The following FAM171A1 variants were observed in gnomAD, a reference collection of about 807,000 sequenced individuals.
The protein encoded by FAM171A1 is family with sequence similarity 171 member A1, also known as protein FAM171A1.
In FAM171A1, 23 loss-of-function variants were observed where a neutral mutation model predicts 74.9. The observed-to-expected ratio is 0.31, with a 90% confidence interval of 0.22 to 0.44. The LOEUF is 0.44. FAM171A1 is among the 20% of genes least tolerant of loss of function. The probability of loss-of-function intolerance (pLI) is 1.00; values close to 1 mark genes in which losing one functional copy is unlikely to be tolerated. For synonymous variants in FAM171A1, 527 were observed against 505.7 expected, an observed-to-expected ratio of 1.04 and a Z score of -0.57; for missense variants, 1,162 against 1,159.2, an observed-to-expected ratio of 1.00 and a Z score of -0.03.
intron 1 of FAM171A1, among the ~76,000 whole-genome samples, chr10:15,352,789 T>G (rs934406190): frequency 8.5e-5 from 13 of 152,254 alleles, no homozygotes; most frequent in African/African-American, 3.1e-4. Context: ...TGGTTCGCTC[T>G]GCCAAGAGGT....
chr10:15,298,713 T>G (rs1017924556), intron 1 of FAM171A1, among the ~76,000 whole-genome samples: 2 of 152,152 alleles, frequency 1.3e-5, no homozygotes, highest in Non-Finnish European at 2.9e-5. Flanking sequence ...ATATCTTCAC[T>G]TTTCTCAGAT....
chr10:15,331,859 G>GTGTATACATA (rs60559617), intron 1 of FAM171A1, among the ~76,000 whole-genome samples: 2,163 of 43,818 alleles, frequency 0.049, 124 homozygotes, highest in Non-Finnish European at 0.06. Context: ...ATATATGTGT[G>GTGTATACATA]TATATATATG....
At chr10:15,215,181 A>T (rs1833952119) in intron 7 of FAM171A1, among the ~76,000 whole-genome samples, 1 of 152,242 alleles carries the variant, frequency 6.6e-6, no homozygotes, top group Non-Finnish European at 1.5e-5. Flanking sequence ...TCAACAACTT[A>T]TTAAAGAGTC....
chr10:15,266,474 G>A (rs972245597), intron 3 of FAM171A1, among the ~76,000 whole-genome samples: 4 of 152,088 alleles, frequency 2.6e-5, no homozygotes, highest in African/African-American at 4.8e-5. Context: ...TTCCTGTCCA[G>A]GAAGGGTTTC....
intron 3 of FAM171A1, among the ~76,000 whole-genome samples, chr10:15,265,951 A>G (rs1834734721): frequency 6.6e-6 from 1 of 152,128 alleles, no homozygotes; most frequent in South Asian, 2.1e-4. Context: ...TGTGGCTCCA[A>G]GAACAGGAGC....
intron 1 of FAM171A1, among the ~76,000 whole-genome samples, chr10:15,329,501 C>T (rs1028742188): frequency 2.0e-5 from 3 of 152,110 alleles, no homozygotes; most frequent in Non-Finnish European, 4.4e-5. Flanking sequence ...CTGTGCACAT[C>T]TGGAGTCCCA....
rs1283186852 is a variant in FAM171A1, at chr10:15,371,037, T to C, written c.16A>G (p.Thr6Ala). MSRSA[T>A]LLLCLLGCHV... ...CAGCCCAGCAGGCACAGCAGCAGCG[T>C]CGCGGACCTGCTCATCTCCGCCGCG... is the stretch of plus-strand genomic sequence containing the variant. The change falls in exon 1 of 8, where the codon ACG (threonine) becomes GCG (alanine). Residue 6 changes from threonine (T) to alanine (A), a missense_variant. Thr to Ala is a moderately conservative substitution (Grantham distance 58). Transcript: ENST00000378116. 22 of 1,152,292 alleles carry C rather than the reference T, an allele frequency of 1.9e-5. No individual in the cohort carries two copies. The highest frequency in any genetic ancestry group is 2.3e-5 in the Non-Finnish European group (21 of 916,290). 71.4% of individuals were successfully genotyped at this position (1,152,292 alleles called of 1,614,324 possible).
At chr10:15,302,433 G>T (rs986725325) in intron 1 of FAM171A1, among the ~76,000 whole-genome samples, 3 of 149,540 alleles carry the variant, frequency 2.0e-5, no homozygotes, top group African/African-American at 7.4e-5. Flanking sequence ...CCACTGCACT[G>T]CAGCCTGGGC....
intron 4 of FAM171A1, among the ~76,000 whole-genome samples, chr10:15,253,351 C>T (rs540937009): frequency 5.3e-5 from 8 of 152,228 alleles, no homozygotes; most frequent in East Asian, 3.9e-4. Context: ...TCTCCCAGAC[C>T]GGCACATTTC....
At chr10:15,292,341 C>G (rs1371091826) in intron 1 of FAM171A1, among the ~76,000 whole-genome samples, 2 of 152,176 alleles carry the variant, frequency 1.3e-5, no homozygotes, top group Non-Finnish European at 2.9e-5. Flanking sequence ...CCAAACCTGT[C>G]CTGATAGGAA....
chr10:15,254,973 C>T (rs552261891), intron 3 of FAM171A1, 94 bp from the exon 4 acceptor site: 244 of 1,191,010 alleles, frequency 2.0e-4, no homozygotes, highest in African/African-American at 1.6e-3. Context: ...GGTTTCAGCA[C>T]GCCTCCCCCA....
rs191157892 is a variant in FAM171A1, at chr10:15,243,567, G to A, written c.754+5072C>T. 8.8e-3 allele frequency among the ~76,000 whole-genome samples: 1,342 copies of A among 152,116 alleles called. 9 individuals are homozygous for A. Among genetic ancestry groups the A allele is most frequent in the Admixed American group, 0.016 (239 of 15,276 alleles). On this transcript the variant is annotated intron_variant, in intron 5 of 7. Transcript: ENST00000378116. ...AACCCATACAGGAATCCCTAGGGAAGGCTTCCTTATATTAGGAGCCCCAGC... is the reference window on the plus strand; with the variant it reads ...AACCCATACAGGAATCCCTAGGGAAAGCTTCCTTATATTAGGAGCCCCAGC...
intron 3 of FAM171A1, among the ~76,000 whole-genome samples, chr10:15,275,027 T>C (rs539188444): frequency 6.6e-6 from 1 of 152,180 alleles, no homozygotes; most frequent in African/African-American, 2.4e-5. Context: ...CCACATGTTC[T>C]CACTCATAGG....
chr10:15,240,501 A>G (rs1834350006), intron 5 of FAM171A1, among the ~76,000 whole-genome samples: 1 of 152,210 alleles, frequency 6.6e-6, no homozygotes, highest in African/African-American at 2.4e-5. Flanking sequence ...TCTAATGAAT[A>G]TATAGGTTGA....
chr10:15,310,293 G>A (rs544731610), intron 1 of FAM171A1, among the ~76,000 whole-genome samples: 1 of 152,192 alleles, frequency 6.6e-6, no homozygotes, highest in East Asian at 1.9e-4. Context: ...ATCATCACAC[G>A]GTTTCTCTTA....
At chr10:15,277,585 G>A (rs751772901) in intron 2 of FAM171A1, among the ~76,000 whole-genome samples, 35 of 152,144 alleles carry the variant, frequency 2.3e-4, no homozygotes, top group Non-Finnish European at 1.0e-4. Context: ...TACAGATGAG[G>A]AAGTAACTCA....
intron 3 of FAM171A1, among the ~76,000 whole-genome samples, chr10:15,257,169 G>C (rs937780380): frequency 3.3e-5 from 5 of 152,114 alleles, no homozygotes; most frequent in African/African-American, 1.2e-4. Flanking sequence ...ATGAGGGTCC[G>C]GGCAGAGGCA....
At chr10:15,299,409 T>G (rs566890586) in intron 1 of FAM171A1, among the ~76,000 whole-genome samples, 9 of 152,268 alleles carry the variant, frequency 5.9e-5, no homozygotes, top group African/African-American at 1.2e-4. Context: ...CCTAAACTGG[T>G]GGGGGAAAGA....
intron 1 of FAM171A1, among the ~76,000 whole-genome samples, chr10:15,303,571 A>C (rs1296970199): frequency 6.6e-6 from 1 of 152,186 alleles, no homozygotes; most frequent in Non-Finnish European, 1.5e-5. Flanking sequence ...AGTTCCAGCC[A>C]CCCCTTCACT....
Sources: gnomAD v4.1 joint callset for allele counts (sites outside exome capture counted in the v4.1 genomes callset) on GRCh38, gnomAD v4.1.1 for gene constraint, MANE v1.5 for transcripts, NCBI Gene and HGNC (gene_info 2026-07-23, HGNC 2026-07-21) for gene names.